DYNC2H1: variants seen among roughly 807,000 people sequenced by gnomAD.
DYNC2H1 encodes dynein cytoplasmic 2 heavy chain 1, also known as cytoplasmic dynein 2 heavy chain 1.
Under a neutral mutation model 570.0 loss-of-function variants are expected in DYNC2H1, and 410 were observed. The ratio of observed to expected loss-of-function variants is 0.72; its 90% CI spans 0.66 to 0.78. The LOEUF (loss-of-function observed/expected upper bound fraction) is 0.78, where lower values mean the gene tolerates loss of function less well. Ranked by LOEUF, DYNC2H1 falls within the 30% of genes least tolerant of loss-of-function variation. The pLI is 0.00. For missense variants in DYNC2H1, 4,865 were observed against 5,046.4 expected (o/e 0.96, Z 1.09); for synonymous variants, 1,688 against 1,677.6 (o/e 1.01, Z -0.15).
intron 87 of DYNC2H1, among the ~76,000 whole-genome samples, chr11:103,457,417 T>A (rs1251555068): frequency 6.6e-6 from 1 of 152,124 alleles, no homozygotes; most frequent in East Asian, 1.9e-4. Context: ...CTAAAGACCT[T>A]CCAGTGCTGT....
chr11:103,200,120 AT>A lies in DYNC2H1; in HGVS notation c.8168del (p.Leu2723TrpfsTer3). 6.3e-7 allele frequency: 1 copy of A among 1,582,982 alleles called. No homozygotes were observed. Among genetic ancestry groups the A allele is most frequent in the South Asian group, 1.2e-5 (1 of 85,424 alleles). ...LEDYQFVHPT[F>X]LEMINSLLSS... ...AGGATTACCAGTTTGTACATCCTACATTTTTGGAGATGATCAATAGCCTTTT... is the reference window on the plus strand; with the variant it reads ...AGGATTACCAGTTTGTACATCCTACATTTTGGAGATGATCAATAGCCTTTT... On this transcript the variant is annotated frameshift_variant, in exon 50 of 89. Coordinates refer to ENST00000375735, the MANE Select transcript of DYNC2H1 (RefSeq NM_001377.3). LOFTEE classifies it high-confidence loss of function.
chr11:103,118,181 A>C (rs1858514207), intron 6 of DYNC2H1, among the ~76,000 whole-genome samples: 1 of 152,124 alleles, frequency 6.6e-6, no homozygotes. Flanking sequence ...CAACTTTTTA[A>C]GTGGTATTCA....
rs748533025 is a variant in DYNC2H1 at position 103,243,737 on chromosome 11, A to G, written c.9864A>G (p.Thr3288=). The G allele has an allele frequency of 1.9e-5, 31 of 1,606,970 alleles. No homozygotes were observed. Among genetic ancestry groups the G allele is most frequent in the Non-Finnish European group, 2.6e-5 (31 of 1,176,270 alleles). Residue 3288 remains threonine, a synonymous_variant, in exon 64 of 89, where the codon ACA becomes ACG. Coordinates refer to ENST00000375735, the MANE Select transcript of DYNC2H1 (RefSeq NM_001377.3). This position sits in a 1 kb window ranked among gnomAD's most constrained non-coding sequence, Gnocchi z 4.8. The part of the protein sequence containing the change: ...PFLIDPSSQA[T]EWLKTHLKDS... ...TTATAGATCCTTCTTCCCAAGCTAC[A>G]GAGTGGTTAAAAACACATTTGAAAG...
chr11:103,293,463 A>G (rs1050280000), intron 75 of DYNC2H1, among the ~76,000 whole-genome samples: 1 of 152,112 alleles, frequency 6.6e-6, no homozygotes, highest in Non-Finnish European at 1.5e-5. Context: ...ATCTTTCTCT[A>G]TGCTAGGCAA....
chr11:103,223,047 G>A lies in DYNC2H1; in HGVS notation c.9314G>A (p.Arg3105Gln), dbSNP rs749815980. Residue 3105 changes from arginine to glutamine, a missense_variant, in exon 59 of 89, where the codon CGA (arginine) becomes CAA (glutamine). By Grantham distance (43) the Arg-to-Gln change is conservative. Coordinates refer to ENST00000375735, the MANE Select transcript of DYNC2H1 (RefSeq NM_001377.3). ...ATTCAGTATTCCCATGTCTTGGAAC[G>A]AATTCATCCTTTGGAAACTGAACAG... ...ANIQYSHVLE[R>Q]IHPLETEQAG... The A allele has an allele frequency of 3.7e-5, 59 of 1,612,950 alleles. No homozygotes were observed. The East Asian group carries it at 8.5e-4, about 23-fold the overall frequency.
chr11:103,280,333 T>C lies in DYNC2H1; in HGVS notation c.10696-15T>C, dbSNP rs745562614. On this transcript the variant is annotated splice_polypyrimidine_tract_variant and intron_variant, in intron 70 of 88. Coordinates refer to ENST00000375735, the MANE Select transcript of DYNC2H1 (RefSeq NM_001377.3). This position sits in a 1 kb window ranked among gnomAD's most constrained non-coding sequence, Gnocchi z 4.7. ...AATTTTTAAAAGGCAAGATAATATC[T>C]GTTATTCTTTGCAGGCTGATCAGTT... The C allele has an allele frequency of 6.4e-7, 1 of 1,552,234 alleles. No homozygotes were observed. The highest frequency in any genetic ancestry group is 1.2e-5 in the South Asian group (1 of 84,090).
intron 84 of DYNC2H1, among the ~76,000 whole-genome samples, chr11:103,432,472 G>T (rs1186886160): frequency 6.6e-6 from 1 of 152,020 alleles, no homozygotes; most frequent in African/African-American, 2.4e-5. Context: ...AAAACTTCTT[G>T]AACCACCACT....
chr11:103,236,102 T>C (rs1388492930), intron 62 of DYNC2H1, among the ~76,000 whole-genome samples: 1 of 151,964 alleles, frequency 6.6e-6, no homozygotes, highest in Non-Finnish European at 1.5e-5. Flanking sequence ...AAACATTATG[T>C]TACTTTTATT....
Position 103,456,277 on chromosome 11 carries a change from C to A in DYNC2H1, c.12569C>A (p.Ala4190Glu). The A allele has an allele frequency of 6.2e-7, 1 of 1,607,140 alleles. No homozygotes were observed. Among genetic ancestry groups the A allele is most frequent in the South Asian group, 1.1e-5 (1 of 89,518 alleles). Reference sequence around the variant, plus strand: ...ACTTTGATGCTTTACCTTTACAGGGCAGTGGGTCGTTCTGTGGATAGCCTT... The same window carrying A: ...ACTTTGATGCTTTACCTTTACAGGGAAGTGGGTCGTTCTGTGGATAGCCTT... The part of the protein sequence containing the change: ...LNALRQETAR[A>E]VGRSVDSLKF... Residue 4190 changes from alanine to glutamate, a missense_variant and splice_region_variant, in exon 87 of 89, where the codon GCA (alanine) becomes GAA (glutamate). Coordinates refer to ENST00000375735, the MANE Select transcript of DYNC2H1 (RefSeq NM_001377.3).
rs367788557 is a variant in DYNC2H1, at chr11:103,289,978, C to G, written c.11095+2373C>G. The stretch of plus-strand genomic sequence containing the variant: ...CAGATTCAAGTTGTGCAACTGCAAG[C>G]CAAGGAACACTGAAGATTTTTAGTC... On this transcript the variant is annotated intron_variant, in intron 75 of 88. Transcript: ENST00000375735. The surrounding 1 kb of genome is among the most constrained non-coding windows in gnomAD (Gnocchi z 4.2). Among the ~76,000 whole-genome samples, 286 of 151,764 alleles carry G rather than the reference C, an allele frequency of 1.9e-3. 1 individual carries two copies. Among genetic ancestry groups the G allele is most frequent in the African/African-American group, 6.8e-3 (281 of 41,364 alleles).
At position 103,257,704 on chromosome 11, in the gene DYNC2H1, T is replaced by C. The variant is rs759333511; in HGVS notation, c.10558T>C (p.Leu3520=). 1.2e-5 allele frequency: 19 copies of C among 1,609,818 alleles called. No individual in the cohort carries two copies. In the East Asian group the frequency reaches 2.5e-4, roughly 21 times the overall value. ...SKINNMYRFS[L]AAFLRLFQRA... is the part of the protein sequence containing the mutation. ...AATTAATAACATGTACCGTTTTAGT[T>C]TGGCTGCTTTTCTCCGACTTTTCCA... The change falls in exon 69 of 89, where the codon TTG becomes CTG. Residue 3520 remains leucine, a synonymous_variant. Transcript: ENST00000375735.
rs1391355113 is a variant in DYNC2H1 at position 103,256,088 on chromosome 11, T to G, written c.10327-18T>G. On this transcript the variant is annotated intron_variant, in intron 67 of 88. Coordinates refer to ENST00000375735, the MANE Select transcript of DYNC2H1 (RefSeq NM_001377.3). This position sits in a 1 kb window ranked among gnomAD's most constrained non-coding sequence, Gnocchi z 4.0. ...TTTATATGTATAATAATATTCATAT[T>G]GTTAACTTTCCCTACAGACACTTGC... 1.3e-6 allele frequency: 2 copies of G among 1,577,040 alleles called. No homozygotes were observed. Among genetic ancestry groups the G allele is most frequent in the Non-Finnish European group, 1.7e-6 (2 of 1,158,916 alleles).
chr11:103,361,158 A>G (rs939899795), intron 83 of DYNC2H1, among the ~76,000 whole-genome samples: 59 of 152,326 alleles, frequency 3.9e-4, no homozygotes, highest in African/African-American at 1.3e-3. Flanking sequence ...CTTGAAATTC[A>G]TATGTTGAAG....
chr11:103,116,841 AG>A, intron 5 of DYNC2H1, 127 bp downstream of exon 5: 1 of 740,010 alleles, frequency 1.4e-6, no homozygotes, highest in Non-Finnish European at 2.0e-6. Context: ...CAAATCATGT[AG>A]CATTATTTAA....
In DYNC2H1 at chr11:103,334,235, T is replaced by C. The variant is rs61899880; in HGVS notation, c.12039+10245T>C. ...CTGAGGCAAACACAATAATCTATTC[T>C]AGTCTCTTCACCAGGTAGCTGTGTG... On this transcript the variant is annotated intron_variant, in intron 82 of 88. Transcript: ENST00000375735. This position sits in a 1 kb window ranked among gnomAD's most constrained non-coding sequence, Gnocchi z 4.3. Among the ~76,000 whole-genome samples the C allele has an allele frequency of 0.15, 22,655 of 152,200 alleles. 1,832 individuals carry two copies. The highest frequency in any genetic ancestry group is 0.25 in the Admixed American group (3,751 of 15,280).
At chr11:103,119,679 A>G (rs1370465346) in intron 6 of DYNC2H1, among the ~76,000 whole-genome samples, 2 of 152,200 alleles carry the variant, frequency 1.3e-5, no homozygotes, top group Admixed American at 1.3e-4. Context: ...GCCCCCAAAA[A>G]TGTTCCAGCC....
At chr11:103,313,521 C>CGGA (rs1867689506) in intron 79 of DYNC2H1, among the ~76,000 whole-genome samples, 1 of 152,126 alleles carries the variant, frequency 6.6e-6, no homozygotes, top group Non-Finnish European at 1.5e-5. Context: ...TCATGCTGCT[C>CGGA]CCCTTTTAAC....
intron 83 of DYNC2H1, among the ~76,000 whole-genome samples, chr11:103,391,194 T>G (rs1465259378): frequency 6.6e-6 from 1 of 152,156 alleles, no homozygotes; most frequent in Non-Finnish European, 1.5e-5. Context: ...CTTTGTTCAT[T>G]TCTTTTTACT....
rs1945408300 is a variant in DYNC2H1, at chr11:103,472,131, TG to T, written c.12765+3431del. 6.6e-6 allele frequency among the ~76,000 whole-genome samples: 1 copy of T among 151,976 alleles called. No homozygotes were observed. Among genetic ancestry groups the T allele is most frequent in the South Asian group, 2.1e-4 (1 of 4,826 alleles). On this transcript the variant is annotated intron_variant, in intron 88 of 88. Transcript: ENST00000375735. This position sits in a 1 kb window ranked among gnomAD's most constrained non-coding sequence, Gnocchi z 4.1. ...GGGTATAGTTCATATGGAAGAATGG[TG>T]GGGGATGCGGCCAGAAAGGAAGGCC...
Sources: gnomAD v4.1 joint callset for allele counts (sites outside exome capture counted in the v4.1 genomes callset) on GRCh38, gnomAD v4.1.1 for gene constraint, Gnocchi (gnomAD v3.1) non-coding constraint, MANE v1.5 for transcripts, NCBI Gene and HGNC (gene_info 2026-07-23, HGNC 2026-07-21) for gene names.